Variants in PAM observed in about 807,000 individuals in gnomAD.
PAM encodes the protein peptidyl-glycine alpha-amidating monooxygenase.
PAM carries 72 observed loss-of-function variants against 122.1 expected under a neutral mutation model. That is an observed-to-expected ratio of 0.59 (90% confidence interval 0.49 to 0.72). PAM has a LOEUF of 0.72. Among genes scored for constraint, PAM ranks in the 30% least tolerant of loss-of-function variants. The pLI, the probability that PAM is intolerant of heterozygous loss-of-function variation, is 0.00. For missense variants in PAM, 1,106 were observed against 1,183.7 expected, an observed-to-expected ratio of 0.93 and a Z score of 0.96; for synonymous variants, 389 against 404.4, an observed-to-expected ratio of 0.96 and a Z score of 0.46.
At chr5:102,926,507 T>A in intron 6 of PAM, 78 bp from the exon 7 acceptor site, 1 of 793,584 alleles carries the variant, frequency 1.3e-6, no homozygotes, top group Admixed American at 1.8e-5. Flanking sequence ...CCCTTTGGAG[T>A]TCATAGAACA....
Position 102,793,479 on chromosome 5 carries a change from C to G in PAM, c.-374+38131C>G, listed in dbSNP as rs372638298. On this transcript the variant is annotated intron_variant, in intron 1 of 25. Coordinates refer to ENST00000438793, the MANE Select transcript of PAM (RefSeq NM_001177306.2). ...CTGGGAGGTGGAGGCTGCAGTGAGC[C>G]TGATCGCACCACTGCTCTCCAGCCT... Among the ~76,000 whole-genome samples the G allele has an allele frequency of 3.0e-4, 45 of 152,284 alleles. 1 individual carries two copies. In the East Asian group the frequency reaches 5.6e-3, roughly 19 times the overall value.
intron 5 of PAM, among the ~76,000 whole-genome samples, chr5:102,921,468 C>T (rs1314092085): frequency 6.6e-6 from 1 of 152,124 alleles, no homozygotes; most frequent in Non-Finnish European, 1.5e-5. Flanking sequence ...ACTCAGTTCT[C>T]TCGCCCTTTT....
In PAM at chr5:102,802,449, T is replaced by G. The variant is rs574173276; in HGVS notation, c.-374+47101T>G. Among the ~76,000 whole-genome samples the G allele has an allele frequency of 2.6e-5, 4 of 152,250 alleles. No homozygotes were observed. The South Asian group carries it at 8.3e-4, about 32-fold the overall frequency. On this transcript the variant is annotated intron_variant, in intron 1 of 25. Transcript: ENST00000438793. Reference sequence around the variant, plus strand: ...AAAACTTTGCATAGCTTCAGTCTATTACATAGACTGAGAAAAGGACCCATA... The same window carrying G: ...AAAACTTTGCATAGCTTCAGTCTATGACATAGACTGAGAAAAGGACCCATA...
Position 102,959,858 on chromosome 5 carries a change from CT to C in PAM, c.906-9del, listed in dbSNP as rs560036418. The C allele has an allele frequency of 2.0e-4, 312 of 1,571,472 alleles. No homozygotes were observed. The highest frequency in any genetic ancestry group is 2.2e-4 in the Non-Finnish European group (257 of 1,145,032). ...TATGTGAATAGTTGATTTGTTATAT[CT>C]TTTTTTTGCCTGCAGTGGCACGTCT... On this transcript the variant is annotated splice_polypyrimidine_tract_variant and intron_variant, in intron 12 of 25. Transcript: ENST00000438793.
chr5:102,784,788 A>G (rs77020338), intron 1 of PAM, among the ~76,000 whole-genome samples: 6,218 of 152,296 alleles, frequency 0.041, 399 homozygotes, highest in African/African-American at 0.13. Flanking sequence ...TTGGGAATAC[A>G]TGCTTTTAGA....
At chr5:102,955,748 C>T (rs1300081156) in intron 12 of PAM, among the ~76,000 whole-genome samples, 1 of 151,660 alleles carries the variant, frequency 6.6e-6, no homozygotes, top group African/African-American at 2.4e-5. Context: ...ATCTCCCTTC[C>T]TACTTTCTCA....
intron 22 of PAM, 56 bp from the exon 23 acceptor site, chr5:103,019,734 T>C (rs1475036335): frequency 5.2e-6 from 6 of 1,159,000 alleles, no homozygotes; most frequent in Non-Finnish European, 7.8e-6. Context: ...AGTTAAATTT[T>C]CAAATGTTCT....
At position 102,959,996 on chromosome 5, in the gene PAM, C is replaced by G; in HGVS notation, c.1027C>G (p.Pro343Ala). 1 of 1,611,882 alleles carries G rather than the reference C, an allele frequency of 6.2e-7. No homozygotes were observed. The change falls in exon 13 of 26, where the codon CCA becomes GCA. Residue 343 changes from proline (P) to alanine (A), a missense_variant. Transcript: ENST00000438793. ...TCCAGATATGTTCAGAACCATACCA[C>G]CAGAGGCCAACATTCCAATTCCCGT... is the stretch of plus-strand genomic sequence containing the variant. Reference protein sequence around the residue: ...VAPDMFRTIPPEANIPIPVKS... With the variant: ...VAPDMFRTIPAEANIPIPVKS...
intron 1 of PAM, among the ~76,000 whole-genome samples, chr5:102,802,899 T>A (rs1765151641): frequency 6.6e-6 from 1 of 152,086 alleles, no homozygotes; most frequent in Admixed American, 6.5e-5. Context: ...GAGGAAGTGA[T>A]GTTTAGGAAA....
chr5:102,924,317 C>T (rs1169161949), intron 5 of PAM, among the ~76,000 whole-genome samples: 1 of 151,378 alleles, frequency 6.6e-6, no homozygotes, highest in Admixed American at 6.6e-5. Flanking sequence ...CCTGTAATCC[C>T]AGCTACTCAG....
At chr5:102,921,539 C>T (rs983170494) in intron 5 of PAM, among the ~76,000 whole-genome samples, 9 of 152,136 alleles carry the variant, frequency 5.9e-5, no homozygotes, top group African/African-American at 2.2e-4. Flanking sequence ...CAGTGTCCTC[C>T]AGTGAGTCAT....
chr5:102,854,558 C>T (rs560649765), intron 1 of PAM, among the ~76,000 whole-genome samples: 55 of 152,250 alleles, frequency 3.6e-4, no homozygotes, highest in African/African-American at 1.3e-3. Flanking sequence ...AAGTCCACCT[C>T]GGATGTGTCT....
intron 1 of PAM, among the ~76,000 whole-genome samples, chr5:102,835,454 G>C (rs1002636342): frequency 1.3e-5 from 2 of 151,940 alleles, no homozygotes; most frequent in Admixed American, 1.3e-4. Context: ...CTTTAAAAAC[G>C]AAAACACTTA....
chr5:102,768,284 T>C (rs1754705462), intron 1 of PAM, among the ~76,000 whole-genome samples: 1 of 152,176 alleles, frequency 6.6e-6, no homozygotes, highest in African/African-American at 2.4e-5. Context: ...AGGCATACCA[T>C]ATGTAATCAT....
At chr5:103,016,277 C>T (rs904258634) in intron 21 of PAM, among the ~76,000 whole-genome samples, 1 of 152,182 alleles carries the variant, frequency 6.6e-6, no homozygotes. Flanking sequence ...TATTCTTCTG[C>T]CCCGCCTAAA....
Position 102,871,601 on chromosome 5 carries a change from T to C in PAM, c.210+4208T>C, listed in dbSNP as rs145420329. 4.1e-3 allele frequency among the ~76,000 whole-genome samples: 624 copies of C among 151,216 alleles called. 2 individuals carry two copies. The highest frequency in any genetic ancestry group is 0.015 in the African/African-American group (600 of 41,374). On this transcript the variant is annotated intron_variant, in intron 3 of 25. Transcript: ENST00000438793. ...ATAAAAGGAACACTGAGAATAGATA[T>C]GCTTTTCTCAGAAATTCTTATACAT... is the stretch of plus-strand genomic sequence containing the variant.
intron 7 of PAM, among the ~76,000 whole-genome samples, chr5:102,935,956 TCA>T (rs1753105525): frequency 6.6e-6 from 1 of 152,170 alleles, no homozygotes; most frequent in Admixed American, 6.5e-5. Context: ...TCAGATAGGC[TCA>T]CAAGAGCCAA....
At chr5:102,825,182 G>A (rs569946840) in intron 1 of PAM, among the ~76,000 whole-genome samples, 4 of 152,062 alleles carry the variant, frequency 2.6e-5, no homozygotes, top group Admixed American at 2.6e-4. Context: ...AAATTAAATG[G>A]CTAATATTTT....
At chr5:102,808,380 C>T (rs1580384383) in intron 1 of PAM, 1 of 152,116 alleles carries the variant, frequency 6.6e-6, no homozygotes, top group Admixed American at 6.6e-5. Flanking sequence ...GTAGTTTGTA[C>T]TTAAAGTGTG....
Sources: allele counts gnomAD v4.1 joint callset (sites outside exome capture counted in the v4.1 genomes callset), GRCh38; gene constraint gnomAD v4.1.1; transcripts MANE v1.5; gene names NCBI Gene and HGNC (gene_info 2026-07-23, HGNC 2026-07-21).